Variants in PLCL2 observed in about 807,000 individuals in gnomAD.
PLCL2 encodes the protein phospholipase C like 2, also known as inactive phospholipase C-like protein 2.
PLCL2 carries 4 observed loss-of-function variants against 79.6 expected under a neutral mutation model. That is an observed-to-expected ratio of 0.05 (90% CI 0.02 to 0.11). The LOEUF is 0.11. Ranked by LOEUF, PLCL2 falls within the 10% of genes least tolerant of loss-of-function variation. PLCL2 has a pLI of 1.00. For synonymous variants in PLCL2, 484 were observed against 457.7 expected, an observed-to-expected ratio of 1.06 and a Z score of -0.73; for missense variants, 895 against 1,291.0, an observed-to-expected ratio of 0.69 and a Z score of 4.70.
rs535250922 is a variant in PLCL2, at chr3:17,088,538, A to C, written c.3205-1195A>C. ...TAAATTTGGAAGGAAAAATAGAACA[A>C]AAAAGCAAAGTAGGAGTGTTGGAAT... On this transcript the variant is annotated intron_variant, in intron 5 of 5. Transcript: ENST00000615277. 2.6e-5 allele frequency among the ~76,000 whole-genome samples: 4 copies of C among 152,340 alleles called. No homozygotes were observed. In the East Asian group the frequency reaches 7.7e-4, roughly 29 times the overall value.
chr3:16,954,295 C>T (rs531194341), intron 1 of PLCL2, among the ~76,000 whole-genome samples: 15 of 152,020 alleles, frequency 9.9e-5, no homozygotes, highest in Admixed American at 2.0e-4. Flanking sequence ...TTTGTCCTTG[C>T]GATAGTTTGC....
At chr3:17,014,935 C>T (rs773053096) in intron 3 of PLCL2, 24 bp downstream of exon 3, 2 of 1,583,102 alleles carry the variant, frequency 1.3e-6, no homozygotes, top group Non-Finnish European at 1.7e-6. Flanking sequence ...TGTCCGTTTA[C>T]ATAGCCTGGG....
chr3:16,895,148 A>G (rs907357519), intron 1 of PLCL2, among the ~76,000 whole-genome samples: 1 of 149,510 alleles, frequency 6.7e-6, no homozygotes, highest in African/African-American at 2.4e-5. Flanking sequence ...ATCGATATAG[A>G]TATATGTTGA....
intron 1 of PLCL2, among the ~76,000 whole-genome samples, chr3:16,936,418 G>C (rs1453220081): frequency 6.6e-6 from 1 of 152,146 alleles, no homozygotes; most frequent in Non-Finnish European, 1.5e-5. Context: ...TTGCAAGAGT[G>C]AGGTGGAGTT....
chr3:17,072,382 A>G (rs1359933642), intron 5 of PLCL2, among the ~76,000 whole-genome samples: 3 of 151,950 alleles, frequency 2.0e-5, no homozygotes, highest in South Asian at 2.1e-4. Context: ...AAAGATGACA[A>G]TATGGGCCGG....
At chr3:16,992,094 CAT>C (rs985065074) in intron 1 of PLCL2, among the ~76,000 whole-genome samples, 26 of 152,264 alleles carry the variant, frequency 1.7e-4, no homozygotes, top group African/African-American at 5.5e-4. Flanking sequence ...TCAGTGGTGA[CAT>C]GTGATAGTAG....
chr3:16,888,584 A>G (rs575419039), intron 1 of PLCL2, among the ~76,000 whole-genome samples: 2 of 152,318 alleles, frequency 1.3e-5, no homozygotes, highest in East Asian at 3.9e-4. Context: ...AGTAAATGAA[A>G]ACATCACTTT....
At chr3:16,976,688 A>G (rs924024923) in intron 1 of PLCL2, among the ~76,000 whole-genome samples, 13 of 152,200 alleles carry the variant, frequency 8.5e-5, no homozygotes, top group Non-Finnish European at 2.9e-5. Context: ...CTCTTAAAGG[A>G]AAAAGGGTCA....
chr3:17,026,891 G>C (rs545116123), intron 3 of PLCL2, among the ~76,000 whole-genome samples: 1 of 151,418 alleles, frequency 6.6e-6, no homozygotes, highest in Admixed American at 6.6e-5. Context: ...TAAATAGATC[G>C]TTTATCTTGT....
At chr3:16,924,497 A>G (rs549080162) in intron 1 of PLCL2, among the ~76,000 whole-genome samples, 2 of 152,302 alleles carry the variant, frequency 1.3e-5, no homozygotes, top group Admixed American at 1.3e-4. Context: ...TTAATACTGA[A>G]CCAGCAGTTT....
intron 5 of PLCL2, among the ~76,000 whole-genome samples, chr3:17,084,161 C>A (rs754567582): frequency 2.0e-5 from 3 of 152,154 alleles, no homozygotes; most frequent in Non-Finnish European, 4.4e-5. Context: ...ATGAACAATT[C>A]TATGCCCACA....
chr3:16,988,112 T>G (rs2124993294), intron 1 of PLCL2, among the ~76,000 whole-genome samples: 1 of 152,254 alleles, frequency 6.6e-6, no homozygotes, highest in East Asian at 1.9e-4. Flanking sequence ...CAATGAAGAT[T>G]TTTTGCTAAA....
At chr3:16,895,160 A>ACATGTATCTATATCG (rs1575514847) in intron 1 of PLCL2, among the ~76,000 whole-genome samples, 2 of 151,776 alleles carry the variant, frequency 1.3e-5, no homozygotes, top group Non-Finnish European at 2.9e-5. Context: ...ATATGTTGAA[A>ACATGTATCTATATCG]ATGTCTTCTA....
At chr3:17,000,200 A>T (rs568319307) in intron 1 of PLCL2, among the ~76,000 whole-genome samples, 1 of 152,158 alleles carries the variant, frequency 6.6e-6, no homozygotes, top group Non-Finnish European at 1.5e-5. Flanking sequence ...AACTTTTCCC[A>T]TAAAACTGTC....
intron 1 of PLCL2, among the ~76,000 whole-genome samples, chr3:16,898,578 TC>T (rs1203560373): frequency 6.6e-6 from 1 of 152,224 alleles, no homozygotes; most frequent in Non-Finnish European, 1.5e-5. Context: ...TCTACTGGGC[TC>T]CTTACTGGGA....
At chr3:16,979,381 G>C (rs375429355) in intron 1 of PLCL2, among the ~76,000 whole-genome samples, 53 of 121,022 alleles carry the variant, frequency 4.4e-4, no homozygotes, top group Admixed American at 9.9e-4. Flanking sequence ...GGTGTTTCTC[G>C]CAGAGGGGGA....
intron 3 of PLCL2, among the ~76,000 whole-genome samples, chr3:17,042,332 C>A (rs4577450): frequency 0.21 from 31,658 of 152,028 alleles, 3,703 homozygotes; most frequent in East Asian, 0.54. Flanking sequence ...ATTTTAAAAA[C>A]CATTAATAGG....
At chr3:17,002,085 A>G (rs12233541) in intron 1 of PLCL2, among the ~76,000 whole-genome samples, 24,411 of 151,928 alleles carry the variant, frequency 0.16, 2,492 homozygotes, top group Non-Finnish European at 0.21. Flanking sequence ...ATTTATTCCT[A>G]TTTATTTTTA....
rs138356731 is a variant in PLCL2, at chr3:16,930,084, G to A, written c.327+44718G>A. Among the ~76,000 whole-genome samples the A allele has an allele frequency of 4.6e-5, 7 of 152,306 alleles. No homozygotes were observed. The East Asian group carries it at 1.4e-3, about 29-fold the overall frequency. Reference sequence around the variant, plus strand: ...GTATTGTGCAGCCAGAATTCGCCTGGCATGGCTTCTGTCTCAGAACCTAGA... The same window carrying A: ...GTATTGTGCAGCCAGAATTCGCCTGACATGGCTTCTGTCTCAGAACCTAGA... On this transcript the variant is annotated intron_variant, in intron 1 of 5. Transcript: ENST00000615277.
Sources: gnomAD v4.1 joint callset for allele counts (sites outside exome capture counted in the v4.1 genomes callset) on GRCh38, gnomAD v4.1.1 for gene constraint, MANE v1.5 for transcripts, NCBI Gene and HGNC (gene_info 2026-07-23, HGNC 2026-07-21) for gene names.